Variants in ABI2 observed in about 807,000 individuals in gnomAD.
The protein encoded by ABI2 is abelson interactor 2.
ABI2 carries 25 observed loss-of-function variants against 59.2 expected under a neutral mutation model. That is an observed-to-expected ratio of 0.42 (90% confidence interval 0.31 to 0.59). The LOEUF is 0.59. ABI2 is among the 20% of genes least tolerant of loss of function. The pLI, the probability that ABI2 is intolerant of heterozygous loss-of-function variation, is 0.14. For missense variants in ABI2, 545 were observed against 681.8 expected (o/e 0.80, Z 2.23); for synonymous variants, 213 against 235.5 (o/e 0.90, Z 0.87).
chr2:203,375,882 C>G (rs980433536), intron 2 of ABI2: 12 of 421,304 alleles, frequency 2.8e-5, no homozygotes, highest in African/African-American at 2.2e-4. Flanking sequence ...ATTCAAACTC[C>G]AAATAGAACC....
chr2:203,338,511 C>A (rs2077471416), intron 1 of ABI2, among the ~76,000 whole-genome samples: 1 of 151,902 alleles, frequency 6.6e-6, no homozygotes, highest in Non-Finnish European at 1.5e-5. Context: ...GGAGCCCCCC[C>A]ACCATGTGAC....
intron 10 of ABI2, among the ~76,000 whole-genome samples, chr2:203,413,596 C>T (rs1452050): frequency 0.74 from 112,274 of 152,026 alleles, 42,555 homozygotes; most frequent in Middle Eastern, 0.87. Flanking sequence ...ATTTACACAA[C>T]GTATAAAAAA....
intron 1 of ABI2, among the ~76,000 whole-genome samples, chr2:203,333,689 C>G (rs1212720139): frequency 1.3e-5 from 2 of 152,300 alleles, no homozygotes; most frequent in East Asian, 1.9e-4. Context: ...TCTTCAAGAC[C>G]TTTGACAAGA....
At chr2:203,375,594 T>C (rs2095627434) in intron 2 of ABI2, among the ~76,000 whole-genome samples, 1 of 152,190 alleles carries the variant, frequency 6.6e-6, no homozygotes, top group South Asian at 2.1e-4. Context: ...GTAGGAAAAA[T>C]ATAGTAGCCA....
At chr2:203,339,311 G>A (rs2078478963) in intron 1 of ABI2, among the ~76,000 whole-genome samples, 2 of 151,740 alleles carry the variant, frequency 1.3e-5, no homozygotes, top group East Asian at 3.9e-4. Flanking sequence ...CGGGTGTGGT[G>A]GCTCATGCCT....
At chr2:203,385,152 T>TTTTTTTTTTTTTTTTTTTTG (rs71007511) in intron 4 of ABI2, among the ~76,000 whole-genome samples, 3 of 51,886 alleles carry the variant, frequency 5.8e-5, no homozygotes, top group Non-Finnish European at 1.1e-4. Context: ...TTTTTTTTTT[T>TTTTTTTTTTTTTTTTTTTTG]GAGACAGTCT....
Position 203,416,921 on chromosome 2 carries a change from A to G in ABI2, c.1293A>G (p.Pro431=), listed in dbSNP as rs2097916020. Residue 431 remains proline (P), a synonymous_variant, in exon 11 of 12, where the codon CCA becomes CCG. Coordinates refer to ENST00000261018, the MANE Select transcript of ABI2 (RefSeq NM_001375670.1). ...ATACGTTCTTAGTTTCAGATACACCACCTCCACCGCCACCTGTGGAAGAAC... is the reference window on the plus strand; with the variant it reads ...ATACGTTCTTAGTTTCAGATACACCGCCTCCACCGCCACCTGTGGAAGAAC... ...ARVQENISDT[P]PPPPPVEEPV... The G allele has an allele frequency of 1.2e-6, 2 of 1,611,514 alleles. No homozygotes were observed. Among genetic ancestry groups the G allele is most frequent in the South Asian group, 2.2e-5 (2 of 90,684 alleles).
chr2:203,400,168 A>G (rs774490522), intron 8 of ABI2, among the ~76,000 whole-genome samples: 41 of 137,122 alleles, frequency 3.0e-4, no homozygotes, highest in Admixed American at 6.8e-4. Context: ...GCCCACTGCA[A>G]TCTCCGCTGC....
At chr2:203,386,432 T>C (rs1006786280) in intron 4 of ABI2, 1 of 91,082 alleles carries the variant, frequency 1.1e-5, no homozygotes, top group East Asian at 6.3e-4. Flanking sequence ...TCCTGGCTGT[T>C]TTTTTTTTTT....
chr2:203,356,578 C>T (rs1017187273), intron 1 of ABI2, among the ~76,000 whole-genome samples: 7 of 152,288 alleles, frequency 4.6e-5, no homozygotes, highest in Non-Finnish European at 4.4e-5. Context: ...CCATGTTACC[C>T]AGGCTGGTCT....
At chr2:203,426,974 A>G (rs111817237) in intron 11 of ABI2, among the ~76,000 whole-genome samples, 3 of 152,210 alleles carry the variant, frequency 2.0e-5, no homozygotes, top group African/African-American at 4.8e-5. Context: ...TTTAGAGCCT[A>G]ACATCCCTAG....
intron 8 of ABI2, among the ~76,000 whole-genome samples, chr2:203,399,892 T>G (rs1418841954): frequency 6.6e-6 from 1 of 152,170 alleles, no homozygotes; most frequent in African/African-American, 2.4e-5. Context: ...TTTCAAAATT[T>G]TTTTAAATGA....
At chr2:203,359,201 A>G (rs903865696) in intron 1 of ABI2, among the ~76,000 whole-genome samples, 5 of 152,172 alleles carry the variant, frequency 3.3e-5, no homozygotes, top group African/African-American at 1.2e-4. Context: ...TCTGAGACAA[A>G]TGTGATCTGC....
At chr2:203,366,058 A>G (rs976807960) in intron 1 of ABI2, among the ~76,000 whole-genome samples, 2 of 151,986 alleles carry the variant, frequency 1.3e-5, no homozygotes, top group African/African-American at 2.4e-5. Context: ...GTAAACTGTC[A>G]TAGTATTTCT....
intron 4 of ABI2, among the ~76,000 whole-genome samples, chr2:203,384,222 C>T (rs2096309896): frequency 6.6e-6 from 1 of 151,474 alleles, no homozygotes; most frequent in Non-Finnish European, 1.5e-5. Context: ...TTCATATATA[C>T]CTAAGGCCAT....
At chr2:203,365,287 G>A (rs1003997858) in intron 1 of ABI2, among the ~76,000 whole-genome samples, 3 of 151,830 alleles carry the variant, frequency 2.0e-5, no homozygotes, top group African/African-American at 7.3e-5. Context: ...TAGTTATATC[G>A]TAGATATCTT....
intron 1 of ABI2, among the ~76,000 whole-genome samples, chr2:203,355,629 A>G (rs953066668): frequency 3.9e-5 from 6 of 152,084 alleles, no homozygotes; most frequent in African/African-American, 1.4e-4. Context: ...CTGGAGTTCC[A>G]GACCAGCCTG....
chr2:203,380,161 A>G, intron 2 of ABI2, 47 bp from the exon 3 acceptor site: 1 of 1,246,022 alleles, frequency 8.0e-7, no homozygotes, highest in Non-Finnish European at 1.1e-6. Flanking sequence ...TTTTGTGGAT[A>G]TTAGAACTAT....
intron 1 of ABI2, among the ~76,000 whole-genome samples, chr2:203,354,639 A>G (rs1041922778): frequency 6.6e-6 from 1 of 152,230 alleles, no homozygotes; most frequent in Non-Finnish European, 1.5e-5. Context: ...AGCAACAATA[A>G]TAGCCAGCAT....
Sources: allele counts gnomAD v4.1 joint callset (sites outside exome capture counted in the v4.1 genomes callset), GRCh38; gene constraint gnomAD v4.1.1; transcripts MANE v1.5; gene names NCBI Gene and HGNC (gene_info 2026-07-23, HGNC 2026-07-21).